POC1A: variants seen among roughly 807,000 people sequenced by gnomAD.
POC1A encodes the protein POC1 centriolar protein A.
In POC1A, 34 loss-of-function variants were observed where a neutral mutation model predicts 47.8. The ratio of observed to expected loss-of-function variants is 0.71; its 90% CI spans 0.54 to 0.95. The LOEUF is 0.95. Among genes scored for constraint, POC1A ranks in the 40% least tolerant of loss-of-function variants. The pLI, the probability that POC1A is intolerant of heterozygous loss-of-function variation, is 0.00. For synonymous variants in POC1A, 177 were observed against 207.6 expected (o/e 0.85, Z 1.27); for missense variants, 466 against 528.3 (o/e 0.88, Z 1.16).
In POC1A at chr3:52,146,940, C is replaced by T. The variant is rs373558109; in HGVS notation, c.563+48G>A. The T allele has an allele frequency of 4.7e-6, 7 of 1,477,258 alleles. No homozygotes were observed. In the African/African-American group the frequency reaches 8.3e-5, roughly 18 times the overall value. 91.5% of individuals were successfully genotyped at this position (1,477,258 alleles called of 1,614,324 possible). On this transcript the variant is annotated intron_variant, in intron 5 of 10. Coordinates refer to ENST00000296484, the MANE Select transcript of POC1A (RefSeq NM_015426.5). Reference sequence around the variant, plus strand: ...GGGCCTCCTCATGCCCAGGTCTGTGCTCTGTGCTTGAGCGCCTACAGGTGG... The same window carrying T: ...GGGCCTCCTCATGCCCAGGTCTGTGTTCTGTGCTTGAGCGCCTACAGGTGG...
At chr3:52,128,787 T>C (rs563692369) in intron 7 of POC1A, among the ~76,000 whole-genome samples, 2 of 152,338 alleles carry the variant, frequency 1.3e-5, no homozygotes, top group South Asian at 4.1e-4. Flanking sequence ...TGCTGTCACC[T>C]GCATTGAGTT....
In POC1A at chr3:52,075,997, A is replaced by G. The variant is rs372124510; in HGVS notation, c.1126-12T>C. ...AGAATGGAGACTGTCTGCAAAATAA[A>G]CAGTGGTTGGGTCAGAACACAGAAG... On this transcript the variant is annotated splice_polypyrimidine_tract_variant and intron_variant, in intron 10 of 10. Coordinates refer to ENST00000296484, the MANE Select transcript of POC1A (RefSeq NM_015426.5). 1 of 1,607,890 alleles carries G rather than the reference A, an allele frequency of 6.2e-7. No homozygotes were observed. Among genetic ancestry groups the G allele is most frequent in the Non-Finnish European group, 8.5e-7 (1 of 1,174,754 alleles).
At chr3:52,122,345 AC>A in intron 9 of POC1A, 33 bp downstream of exon 9, 2 of 1,257,550 alleles carry the variant, frequency 1.6e-6, no homozygotes, top group Non-Finnish European at 2.3e-6. Context: ...CACCAGAGTC[AC>A]AGAGCTCAGG....
At chr3:52,114,328 G>A (rs548464818) in intron 9 of POC1A, among the ~76,000 whole-genome samples, 18 of 152,192 alleles carry the variant, frequency 1.2e-4, no homozygotes, top group Admixed American at 2.6e-4. Flanking sequence ...CATGTAAACC[G>A]GAGACGCCCC....
intron 8 of POC1A, among the ~76,000 whole-genome samples, chr3:52,122,954 G>A (rs989921743): frequency 9.2e-5 from 14 of 152,202 alleles, no homozygotes; most frequent in African/African-American, 9.7e-5. Context: ...AAGTTCCTGC[G>A]GGCGGTGGCC....
intron 9 of POC1A, among the ~76,000 whole-genome samples, chr3:52,115,302 A>G (rs1187974993): frequency 6.6e-6 from 1 of 152,154 alleles, no homozygotes; most frequent in Non-Finnish European, 1.5e-5. Flanking sequence ...TCTTGAAAAA[A>G]TTAGGTGCCA....
intron 7 of POC1A, among the ~76,000 whole-genome samples, chr3:52,127,852 C>T (rs1167623446): frequency 1.3e-5 from 2 of 152,114 alleles, no homozygotes; most frequent in African/African-American, 2.4e-5. Context: ...CCCTCCACCA[C>T]ACCCGGCTAA....
At chr3:52,150,993 C>G (rs1403297131) in intron 2 of POC1A, 23 bp downstream of exon 2, 2 of 1,612,980 alleles carry the variant, frequency 1.2e-6, no homozygotes, top group East Asian at 2.2e-5. Context: ...AACCTAGCAC[C>G]TAGACAGGGT....
chr3:52,152,430 C>T (rs1698586810), intron 1 of POC1A, among the ~76,000 whole-genome samples: 1 of 151,750 alleles, frequency 6.6e-6, no homozygotes, highest in African/African-American at 2.4e-5. Context: ...ATTAGCTAGG[C>T]GTGGTGGTGG....
At chr3:52,078,957 C>A (rs959954560) in intron 10 of POC1A, among the ~76,000 whole-genome samples, 2 of 152,210 alleles carry the variant, frequency 1.3e-5, no homozygotes, top group African/African-American at 2.4e-5. Flanking sequence ...TGGCAGGCCA[C>A]CTGCAGGGAG....
Position 52,125,290 on chromosome 3 carries a change from C to T in POC1A, c.814-109G>A, listed in dbSNP as rs1577882609. On this transcript the variant is annotated intron_variant, in intron 7 of 10. Coordinates refer to ENST00000296484, the MANE Select transcript of POC1A (RefSeq NM_015426.5). Reference sequence around the variant, plus strand: ...TGAAAGCAGCAGCAGGATAAAGGACCGAGAGCCCACTCAGCCCACAGTCCT... The same window carrying T: ...TGAAAGCAGCAGCAGGATAAAGGACTGAGAGCCCACTCAGCCCACAGTCCT... 6.8e-6 allele frequency: 6 copies of T among 888,490 alleles called. No homozygotes were observed. In the Admixed American group the frequency reaches 8.4e-5, roughly 12 times the overall value. The allele number at this position is 888,490 out of a possible 1,614,324, so 55.0% of individuals were successfully genotyped here.
chr3:52,141,556 C>T (rs6784764), intron 6 of POC1A, among the ~76,000 whole-genome samples: 2,521 of 152,312 alleles, frequency 0.017, 59 homozygotes, highest in African/African-American at 0.053. Flanking sequence ...GTGTAAATGC[C>T]GTGTAAATGC....
At chr3:52,098,327 G>A (rs1559818252) in intron 9 of POC1A, among the ~76,000 whole-genome samples, 2 of 152,216 alleles carry the variant, frequency 1.3e-5, no homozygotes, top group Non-Finnish European at 2.9e-5. Context: ...GTCTGGTGCT[G>A]CTGGCTGCTT....
intron 9 of POC1A, among the ~76,000 whole-genome samples, chr3:52,120,433 T>C (rs1703736180): frequency 6.6e-6 from 1 of 152,226 alleles, no homozygotes; most frequent in South Asian, 2.1e-4. Flanking sequence ...GAGGGGCTTA[T>C]GACAAATAAG....
chr3:52,149,685 G>T lies in POC1A; in HGVS notation c.275+131C>A, dbSNP rs937941019. ...TCCAACTGCAGCCCCAGCCTCTGATGGCACCTCTTCCAAAGCAGAGTAGAA... is the reference window on the plus strand; with the variant it reads ...TCCAACTGCAGCCCCAGCCTCTGATTGCACCTCTTCCAAAGCAGAGTAGAA... On this transcript the variant is annotated intron_variant, in intron 3 of 10. Coordinates refer to ENST00000296484, the MANE Select transcript of POC1A (RefSeq NM_015426.5). 8.0e-6 allele frequency: 7 copies of T among 877,402 alleles called. No individual in the cohort carries two copies. The African/African-American group carries it at 1.2e-4, about 15-fold the overall frequency. The allele number at this position is 877,402 out of a possible 1,614,324, so 54.4% of individuals were successfully genotyped here.
intron 7 of POC1A, among the ~76,000 whole-genome samples, chr3:52,133,451 G>C (rs1348051853): frequency 1.3e-5 from 2 of 152,098 alleles, no homozygotes; most frequent in African/African-American, 4.8e-5. Flanking sequence ...CAAACAAAAG[G>C]CCTCTCAAAT....
At chr3:52,091,100 G>A (rs1209041819) in intron 10 of POC1A, among the ~76,000 whole-genome samples, 1 of 152,208 alleles carries the variant, frequency 6.6e-6, no homozygotes, top group African/African-American at 2.4e-5. Context: ...CAGAAGACTT[G>A]AGGTAGGCCC....
intron 7 of POC1A, among the ~76,000 whole-genome samples, chr3:52,126,672 C>G (rs1704014626): frequency 6.6e-6 from 1 of 152,226 alleles, no homozygotes; most frequent in Admixed American, 6.5e-5. Flanking sequence ...GTTCCAGAGG[C>G]TGGGAAGTCC....
intron 10 of POC1A, among the ~76,000 whole-genome samples, chr3:52,091,120 G>C (rs1702630727): frequency 6.6e-6 from 1 of 152,198 alleles, no homozygotes; most frequent in Non-Finnish European, 1.5e-5. Context: ...CAGCAGGTGA[G>C]TGACCCCAGG....
Sources: gnomAD v4.1 joint callset for allele counts (sites outside exome capture counted in the v4.1 genomes callset) on GRCh38, gnomAD v4.1.1 for gene constraint, MANE v1.5 for transcripts, NCBI Gene and HGNC (gene_info 2026-07-23, HGNC 2026-07-21) for gene names.